LIMCH1: variants seen among roughly 807,000 people sequenced by gnomAD.
The protein encoded by LIMCH1 is LIM and calponin homology domains 1, also known as LIM and calponin homology domains-containing protein 1.
Under a neutral mutation model 176.5 loss-of-function variants are expected in LIMCH1, and 113 were observed. That is an observed-to-expected ratio of 0.64 (90% CI 0.55 to 0.75). The LOEUF is 0.75. Ranked by LOEUF, LIMCH1 falls within the 30% of genes least tolerant of loss-of-function variation. The pLI, the probability that LIMCH1 is intolerant of heterozygous loss-of-function variation, is 0.00. For synonymous variants in LIMCH1, 619 were observed against 645.9 expected (o/e 0.96, Z 0.63); for missense variants, 1,674 against 1,814.9 (o/e 0.92, Z 1.41).
chr4:41,561,848 G>A (rs1460292062), intron 1 of LIMCH1, among the ~76,000 whole-genome samples: 1 of 152,108 alleles, frequency 6.6e-6, no homozygotes, highest in Non-Finnish European at 1.5e-5. Flanking sequence ...GAAATAGACG[G>A]ATGTCACAAG....
chr4:41,580,576 C>G (rs2085250567), intron 1 of LIMCH1, among the ~76,000 whole-genome samples: 1 of 151,044 alleles, frequency 6.6e-6, no homozygotes, highest in Non-Finnish European at 1.5e-5. Flanking sequence ...CTATTCCTTA[C>G]TAAAGAATAA....
At position 41,698,450 on chromosome 4, in the gene LIMCH1, A is replaced by G. The variant is rs1447616940; in HGVS notation, c.*1265A>G. 2 of 152,192 alleles carry G rather than the reference A, an allele frequency of 1.3e-5. No homozygotes were observed. Among genetic ancestry groups the G allele is most frequent in the African/African-American group, 4.8e-5 (2 of 41,414 alleles). The allele number at this position is 152,192 out of a possible 1,614,324, so 9.4% of individuals were successfully genotyped here. ...ACGAGTTTCAGCTGGCCAAGAAAGG[A>G]GTCAAGTTATTAAAAAGCATCACAA... On this transcript the variant is annotated 3_prime_UTR_variant, in exon 32 of 32. Transcript: ENST00000503057.
chr4:41,539,582 C>T (rs1290475846), intron 1 of LIMCH1, among the ~76,000 whole-genome samples: 1 of 152,208 alleles, frequency 6.6e-6, no homozygotes, highest in African/African-American at 2.4e-5. Flanking sequence ...TACATCTCCT[C>T]AATCTAATCA....
intron 3 of LIMCH1, among the ~76,000 whole-genome samples, chr4:41,532,640 C>T (rs1340887222): frequency 2.6e-5 from 4 of 152,196 alleles, no homozygotes; most frequent in Non-Finnish European, 5.9e-5. Context: ...CTGATGCCCA[C>T]TGGAGCAGGC....
intron 8 of LIMCH1, among the ~76,000 whole-genome samples, chr4:41,628,711 T>C (rs1239342077): frequency 6.6e-6 from 1 of 152,204 alleles, no homozygotes; most frequent in African/African-American, 2.4e-5. Flanking sequence ...ATGCCACAGC[T>C]TTGGTTTAAA....
chr4:41,664,193 T>A (rs1246382811), intron 20 of LIMCH1, among the ~76,000 whole-genome samples: 1 of 152,224 alleles, frequency 6.6e-6, no homozygotes, highest in Non-Finnish European at 1.5e-5. Flanking sequence ...CTATCCGTAG[T>A]GGTGTACCAC....
intron 22 of LIMCH1, among the ~76,000 whole-genome samples, chr4:41,673,759 G>T (rs999181725): frequency 2.0e-5 from 3 of 152,134 alleles, no homozygotes; most frequent in African/African-American, 4.8e-5. Flanking sequence ...AGGATGAGGG[G>T]CTCTTCCTGC....
At chr4:41,407,044 C>T (rs1237407913) in intron 1 of LIMCH1, among the ~76,000 whole-genome samples, 3 of 152,128 alleles carry the variant, frequency 2.0e-5, no homozygotes, top group Non-Finnish European at 4.4e-5. Context: ...TATGTCAATC[C>T]AGATCCATGC....
intron 6 of LIMCH1, 173 bp downstream of exon 6, chr4:41,619,613 C>G: frequency 1.2e-6 from 1 of 802,926 alleles, no homozygotes; most frequent in Non-Finnish European, 1.9e-6. Flanking sequence ...AAAATAGAAG[C>G]TTCGTGAGTG....
At chr4:41,505,566 C>T (rs2074043950) in intron 2 of LIMCH1, among the ~76,000 whole-genome samples, 1 of 152,050 alleles carries the variant, frequency 6.6e-6, no homozygotes, top group African/African-American at 2.4e-5. Context: ...TCATTTTCTC[C>T]CATCCATCCA....
intron 1 of LIMCH1, among the ~76,000 whole-genome samples, chr4:41,542,314 G>A (rs2078770781): frequency 6.6e-6 from 1 of 151,718 alleles, no homozygotes. Flanking sequence ...TAGGAATATG[G>A]AAAAGCTTAG....
At chr4:41,393,182 G>A (rs1403131054) in intron 1 of LIMCH1, among the ~76,000 whole-genome samples, 2 of 152,224 alleles carry the variant, frequency 1.3e-5, no homozygotes, top group African/African-American at 4.8e-5. Context: ...AAGACATTGA[G>A]TGTTGCTAGG....
At chr4:41,669,269 G>A (rs2094933692) in intron 21 of LIMCH1, among the ~76,000 whole-genome samples, 1 of 152,142 alleles carries the variant, frequency 6.6e-6, no homozygotes, top group Non-Finnish European at 1.5e-5. Context: ...TCCATAAAAA[G>A]TGTTTAGCTC....
Position 41,481,068 on chromosome 4 carries a change from C to G in LIMCH1, c.97-13468C>G, listed in dbSNP as rs2068533273. The stretch of plus-strand genomic sequence containing the variant: ...TGTCAGTCTGTGTCTATAAACAGTA[C>G]CTTCTGGTTTTCTGATGACATGATG... On this transcript the variant is annotated intron_variant, in intron 1 of 26. Coordinates refer to the LIMCH1 transcript ENST00000313860. 3.3e-5 allele frequency among the ~76,000 whole-genome samples: 5 copies of G among 151,090 alleles called. 1 individual carries two copies. In the South Asian group the frequency reaches 1.0e-3, roughly 31 times the overall value.
intron 1 of LIMCH1, among the ~76,000 whole-genome samples, chr4:41,566,320 A>G (rs936175718): frequency 1.3e-5 from 2 of 152,202 alleles, no homozygotes; most frequent in African/African-American, 4.8e-5. Flanking sequence ...CTTTGCCCAG[A>G]TCCATCAGAG....
At chr4:41,580,139 T>C (rs2085170427) in intron 1 of LIMCH1, among the ~76,000 whole-genome samples, 1 of 152,198 alleles carries the variant, frequency 6.6e-6, no homozygotes, top group Non-Finnish European at 1.5e-5. Flanking sequence ...CACCACATCA[T>C]GTGAGGTGTC....
At chr4:41,360,065 C>A (rs1269870330), upstream of LIMCH1, among the ~76,000 whole-genome samples, 13 of 131,210 alleles carry the variant, frequency 9.9e-5, no homozygotes, top group African/African-American at 3.8e-4. The surrounding 1 kb of genome is among the most constrained non-coding windows in gnomAD (Gnocchi z 4.5). Flanking sequence ...GTGTTTCCAT[C>A]TCTGCGTCCC....
At chr4:41,621,216 TC>T in intron 7 of LIMCH1, among the ~76,000 whole-genome samples, 1 of 152,316 alleles carries the variant, frequency 6.6e-6, no homozygotes, top group South Asian at 2.1e-4. Context: ...GCATGTTGAT[TC>T]AAAAACAAAG....
chr4:41,431,685 G>T (rs1262527943), intron 1 of LIMCH1, among the ~76,000 whole-genome samples: 1 of 152,124 alleles, frequency 6.6e-6, no homozygotes, highest in Non-Finnish European at 1.5e-5. Context: ...TATGATATGT[G>T]TATGTTTTCT....
Sources: allele counts gnomAD v4.1 joint callset (sites outside exome capture counted in the v4.1 genomes callset), GRCh38; gene constraint gnomAD v4.1.1; non-coding constraint Gnocchi (gnomAD v3.1); transcripts MANE v1.5; gene names NCBI Gene and HGNC (gene_info 2026-07-23, HGNC 2026-07-21).